Variants in RIMS3 observed in about 807,000 individuals in gnomAD.
The protein encoded by RIMS3 is regulating synaptic membrane exocytosis 3, also known as regulating synaptic membrane exocytosis protein 3.
A neutral mutation model predicts 29.2 loss-of-function variants in RIMS3; 15 were observed. The ratio of observed to expected loss-of-function variants is 0.51; its 90% CI spans 0.34 to 0.79. RIMS3 has a LOEUF of 0.79. Among genes scored for constraint, RIMS3 ranks in the 30% least tolerant of loss-of-function variants. RIMS3 has a pLI of 0.01. For missense variants in RIMS3, 342 were observed against 421.4 expected, an observed-to-expected ratio of 0.81 and a Z score of 1.65; for synonymous variants, 161 against 170.1, an observed-to-expected ratio of 0.95 and a Z score of 0.41.
intron 1 of RIMS3, among the ~76,000 whole-genome samples, chr1:40,652,751 T>C (rs566061919): frequency 1.3e-5 from 2 of 152,344 alleles, no homozygotes; most frequent in South Asian, 2.1e-4. Context: ...GAGTGAAATC[T>C]GACATGATTT....
the RIMS3 span, among the ~76,000 whole-genome samples, chr1:40,685,234 C>T: frequency 1.6e-4 from 23 of 145,966 alleles, no homozygotes; most frequent in South Asian, 6.4e-4. Context: ...GGAAATCAAA[C>T]GCCAAGACAG....
chr1:40,640,917 G>A (rs113341151), intron 3 of RIMS3, among the ~76,000 whole-genome samples: 2,577 of 152,280 alleles, frequency 0.017, 30 homozygotes, highest in Middle Eastern at 0.051. Flanking sequence ...TTGCATGACT[G>A]GTTTTATCTG....
At chr1:40,643,352 C>T (rs1485409552) in intron 2 of RIMS3, among the ~76,000 whole-genome samples, 1 of 151,986 alleles carries the variant, frequency 6.6e-6, no homozygotes, top group South Asian at 2.1e-4. Flanking sequence ...AGGCTGGTCT[C>T]GAACTCCTGA....
At chr1:40,657,733 T>A (rs1395334248) in intron 1 of RIMS3, among the ~76,000 whole-genome samples, 1 of 119,050 alleles carries the variant, frequency 8.4e-6, no homozygotes, top group Non-Finnish European at 1.6e-5. Flanking sequence ...GGTGACAGAA[T>A]GTGACAATGT....
chr1:40,663,680 A>C (rs984258914), intron 1 of RIMS3, among the ~76,000 whole-genome samples: 4 of 152,156 alleles, frequency 2.6e-5, no homozygotes, highest in African/African-American at 9.7e-5. Context: ...AAATCCAATT[A>C]AAGTCCAGAG....
rs2148339549 is a variant in RIMS3 at position 40,621,460 on chromosome 1, G to C, written c.*5057C>G. 6.6e-6 allele frequency: 1 copy of C among 152,360 alleles called. No homozygotes were observed. The highest frequency in any genetic ancestry group is 1.9e-4 in the East Asian group (1 of 5,192). 9.4% of individuals were successfully genotyped at this position (152,360 alleles called of 1,614,324 possible). A position where few individuals can be genotyped will look rare whatever the true frequency, so the allele number is the denominator to read the frequency against. ...TGAGGCAGCATCTGGGCATGGACCAGATGAGAGCCTGCACCCAGCCTGGGC... is the reference window on the plus strand; with the variant it reads ...TGAGGCAGCATCTGGGCATGGACCACATGAGAGCCTGCACCCAGCCTGGGC... On this transcript the variant is annotated 3_prime_UTR_variant, in exon 8 of 8. Transcript: ENST00000372684.
chr1:40,644,756 C>G (rs547443617), intron 2 of RIMS3, among the ~76,000 whole-genome samples: 2 of 152,238 alleles, frequency 1.3e-5, no homozygotes, highest in African/African-American at 4.8e-5. Context: ...GCTCTGCACC[C>G]AGCACCCTAC....
intron 2 of RIMS3, among the ~76,000 whole-genome samples, chr1:40,643,880 C>T (rs1314759367): frequency 6.6e-6 from 1 of 152,144 alleles, no homozygotes; most frequent in Non-Finnish European, 1.5e-5. Flanking sequence ...TAGGAGCTTC[C>T]CTAGCATCCG....
At chr1:40,628,703 T>G in intron 7 of RIMS3, 107 bp downstream of exon 7, 1 of 1,445,744 alleles carries the variant, frequency 6.9e-7, no homozygotes, top group Non-Finnish European at 9.7e-7. Context: ...CGCAAATTAA[T>G]GCACCTACCA....
Position 40,623,859 on chromosome 1 carries a change from T to C in RIMS3, c.*2658A>G, listed in dbSNP as rs542458781. ...ACAGACGTGTCAGCCTCACACAACT[T>C]TACCCTCATGGGGTAAAATCCAGGT... On this transcript the variant is annotated 3_prime_UTR_variant, in exon 8 of 8. Transcript: ENST00000372684. The C allele has an allele frequency of 5.0e-5, 13 of 259,634 alleles. No homozygotes were observed. Among genetic ancestry groups the C allele is most frequent in the Non-Finnish European group, 8.7e-5 (12 of 137,816 alleles). The allele number at this position is 259,634 out of a possible 1,614,324, so 16.1% of individuals were successfully genotyped here.
the RIMS3 span, among the ~76,000 whole-genome samples, chr1:40,675,781 A>G: frequency 7.5e-6 from 1 of 133,458 alleles, no homozygotes; most frequent in Non-Finnish European, 1.6e-5. Flanking sequence ...AAAAAAAATT[A>G]GCCAGGCATA....
At chr1:40,691,944 T>C in the RIMS3 span, 3 of 330,194 alleles carry the variant, frequency 9.1e-6, no homozygotes, top group South Asian at 2.2e-5. Context: ...GCTTCCCGCC[T>C]TCGCCAGAGA....
chr1:40,628,718 A>T (rs970636631), intron 7 of RIMS3, 92 bp downstream of exon 7: 2 of 1,538,906 alleles, frequency 1.3e-6, no homozygotes, highest in Non-Finnish European at 1.8e-6. Context: ...CTACCACAGC[A>T]CCTGGCACAG....
At chr1:40,629,102 G>A (rs930955836) in intron 6 of RIMS3, among the ~76,000 whole-genome samples, 153 bp from the exon 7 acceptor site, 5 of 152,162 alleles carry the variant, frequency 3.3e-5, no homozygotes, top group Admixed American at 2.6e-4. Flanking sequence ...CTCAAGTACT[G>A]ATTCCTCCAT....
intron 3 of RIMS3, 78 bp downstream of exon 3, chr1:40,641,631 C>T: frequency 7.1e-7 from 1 of 1,408,332 alleles, no homozygotes; most frequent in South Asian, 1.3e-5. Flanking sequence ...AGTGCAGACC[C>T]ATCAGGGCAG....
At chr1:40,629,087 G>T in intron 6 of RIMS3, 138 bp from the exon 7 acceptor site, 2 of 1,191,598 alleles carry the variant, frequency 1.7e-6, no homozygotes, top group Non-Finnish European at 2.5e-6. Flanking sequence ...AGGCAGAAGA[G>T]GTGACTCAAG....
intron 4 of RIMS3, among the ~76,000 whole-genome samples, chr1:40,634,276 G>C (rs1646506724): frequency 6.6e-6 from 1 of 152,122 alleles, no homozygotes; most frequent in Non-Finnish European, 1.5e-5. Flanking sequence ...GGCTGTGTAT[G>C]CTTGTCAGAG....
At chr1:40,658,985 C>G (rs1642311461) in intron 1 of RIMS3, among the ~76,000 whole-genome samples, 1 of 152,156 alleles carries the variant, frequency 6.6e-6, no homozygotes, top group Non-Finnish European at 1.5e-5. Flanking sequence ...ATCACTGTGC[C>G]TACGTCGGAG....
chr1:40,665,745 A>G (rs531387020), upstream of RIMS3: 158 of 152,854 alleles, frequency 1.0e-3, no homozygotes, highest in Middle Eastern at 3.4e-3. Flanking sequence ...GGCCGCGTGG[A>G]TGGGCGGGGC....
Sources: allele counts gnomAD v4.1 joint callset (sites outside exome capture counted in the v4.1 genomes callset), GRCh38; gene constraint gnomAD v4.1.1; transcripts MANE v1.5; gene names NCBI Gene and HGNC (gene_info 2026-07-23, HGNC 2026-07-21).